Variants in EML6 observed in about 807,000 individuals in gnomAD.
EML6 encodes the protein echinoderm microtubule-associated protein-like 6.
A neutral mutation model predicts 240.1 loss-of-function variants in EML6; 154 were observed. That is an observed-to-expected ratio of 0.64 (90% CI 0.56 to 0.73). EML6 has a LOEUF of 0.73. Ranked by LOEUF, EML6 falls within the 30% of genes least tolerant of loss-of-function variation. The pLI is 0.00. For missense variants in EML6, 2,964 were observed against 2,474.6 expected (o/e 1.20, Z -4.20); for synonymous variants, 1,148 against 899.0 (o/e 1.28, Z -4.95).
At chr2:54,905,428 A>T (rs1233701842) in intron 24 of EML6, among the ~76,000 whole-genome samples, 1 of 151,716 alleles carries the variant, frequency 6.6e-6, no homozygotes, top group African/African-American at 2.4e-5. Context: ...ACTATTAGGG[A>T]TTAAAACCCA....
intron 30 of EML6, among the ~76,000 whole-genome samples, 197 bp from the exon 31 acceptor site, chr2:54,952,397 C>G (rs1393630633): frequency 6.6e-6 from 1 of 152,158 alleles, no homozygotes; most frequent in Non-Finnish European, 1.5e-5. Flanking sequence ...CCCCTTCTCC[C>G]AGACCCAAAA....
At chr2:54,910,900 T>A in intron 24 of EML6, 54 bp from the exon 25 acceptor site, 1 of 874,172 alleles carries the variant, frequency 1.1e-6, no homozygotes, top group Non-Finnish European at 1.8e-6. Context: ...CATTTTATAA[T>A]AAAGAGATAA....
At chr2:54,819,535 T>G (rs1014855266) in intron 4 of EML6, among the ~76,000 whole-genome samples, 1 of 152,134 alleles carries the variant, frequency 6.6e-6, no homozygotes, top group African/African-American at 2.4e-5. Flanking sequence ...CCCAGCACTT[T>G]GAGAGGCCAA....
chr2:54,870,248 T>C (rs1031331220), intron 15 of EML6, among the ~76,000 whole-genome samples: 1 of 152,106 alleles, frequency 6.6e-6, no homozygotes, highest in African/African-American at 2.4e-5. Context: ...AATCTATGAA[T>C]GAAAATGAGA....
chr2:54,878,404 C>T (rs906598161), intron 16 of EML6, among the ~76,000 whole-genome samples: 4 of 152,174 alleles, frequency 2.6e-5, no homozygotes, highest in Non-Finnish European at 4.4e-5. Context: ...TCCTAGCAAC[C>T]GCACAGCTAG....
At position 54,968,187 on chromosome 2, in the gene EML6, A is replaced by G. The variant is rs899131805; in HGVS notation, c.5657A>G (p.Asn1886Ser). ...CGAAATGCAGACAAGGCTGATGTCA[A>G]CTGCGCATGTGTGACCCACGCTGGC... The part of the protein sequence containing the change: ...WPRNADKADV[N>S]CACVTHAGLN... The change falls in exon 40 of 42, where the codon AAC becomes AGC. Residue 1886 changes from asparagine to serine, a missense_variant. Asn to Ser is a conservative substitution (Grantham distance 46, BLOSUM62 1). Coordinates refer to ENST00000356458, the MANE Select transcript of EML6 (RefSeq NM_001039753.4). The G allele has an allele frequency of 3.2e-6, 5 of 1,551,702 alleles. No homozygotes were observed. Among genetic ancestry groups the G allele is most frequent in the East Asian group, 2.4e-5 (1 of 40,928 alleles).
intron 17 of EML6, among the ~76,000 whole-genome samples, chr2:54,883,135 A>G (rs981298971): frequency 2.8e-4 from 43 of 152,104 alleles, no homozygotes; most frequent in African/African-American, 1.0e-3. Flanking sequence ...AAAGCACTTA[A>G]TAAAAGGAAA....
chr2:54,955,792 G>T (rs1676204588), intron 32 of EML6, among the ~76,000 whole-genome samples: 3 of 152,304 alleles, frequency 2.0e-5, no homozygotes, highest in Non-Finnish European at 4.4e-5. Context: ...TGTACAGAGG[G>T]TTGTGAGCCA....
chr2:54,836,551 C>T (rs138649038), intron 7 of EML6, among the ~76,000 whole-genome samples: 95 of 152,308 alleles, frequency 6.2e-4, no homozygotes, highest in Non-Finnish European at 1.2e-3. Flanking sequence ...CCCTGCGACT[C>T]TCCCAGCTCA....
At chr2:54,857,053 G>C (rs1030473604) in intron 11 of EML6, among the ~76,000 whole-genome samples, 5 of 152,192 alleles carry the variant, frequency 3.3e-5, no homozygotes, top group African/African-American at 1.2e-4. Context: ...CTAAGTTTGG[G>C]ACTTGAGCAG....
intron 21 of EML6, 61 bp downstream of exon 21, chr2:54,895,461 A>C (rs1292738386): frequency 4.0e-6 from 6 of 1,514,788 alleles, no homozygotes; most frequent in Non-Finnish European, 5.4e-6. Flanking sequence ...GAGTGAGGCA[A>C]AGTTGATGCT....
At chr2:54,736,418 G>A (rs1047642378) in intron 2 of EML6, among the ~76,000 whole-genome samples, 2 of 152,188 alleles carry the variant, frequency 1.3e-5, no homozygotes, top group East Asian at 1.9e-4. Context: ...AACCAGACAT[G>A]TGACTTTGGG....
chr2:54,847,702 T>A, intron 9 of EML6, 79 bp downstream of exon 9: 1 of 1,437,700 alleles, frequency 7.0e-7, no homozygotes, highest in Non-Finnish European at 9.4e-7. Flanking sequence ...TAATACATGC[T>A]AGGACCTTAG....
At chr2:54,927,359 A>G (rs745580474) in intron 26 of EML6, among the ~76,000 whole-genome samples, 2 of 152,226 alleles carry the variant, frequency 1.3e-5, no homozygotes, top group African/African-American at 2.4e-5. Flanking sequence ...ATGCCAGTCC[A>G]AAACCCTCTG....
chr2:54,791,609 TAAAC>T (rs374462254), intron 2 of EML6, among the ~76,000 whole-genome samples: 5 of 152,154 alleles, frequency 3.3e-5, no homozygotes, highest in African/African-American at 4.8e-5. Context: ...ATATTTACCT[TAAAC>T]AAAGCCACAC....
At chr2:54,916,342 C>T (rs548462119) in intron 25 of EML6, among the ~76,000 whole-genome samples, 2 of 152,272 alleles carry the variant, frequency 1.3e-5, no homozygotes, top group South Asian at 2.1e-4. Flanking sequence ...ATCCAGTGGG[C>T]GGAGACCAGA....
At chr2:54,746,673 CTT>C (rs1683925735) in intron 2 of EML6, among the ~76,000 whole-genome samples, 1 of 152,030 alleles carries the variant, frequency 6.6e-6, no homozygotes, top group Non-Finnish European at 1.5e-5. Flanking sequence ...CTTTAAGCGA[CTT>C]TTTTGTTTTA....
intron 2 of EML6, among the ~76,000 whole-genome samples, chr2:54,742,441 T>C (rs1017254604): frequency 6.6e-6 from 1 of 152,216 alleles, no homozygotes; most frequent in South Asian, 2.1e-4. Flanking sequence ...AGTGTCACCA[T>C]CTCTGTGAAG....
intron 2 of EML6, among the ~76,000 whole-genome samples, chr2:54,808,276 C>G (rs1016653290): frequency 2.6e-5 from 4 of 152,224 alleles, no homozygotes; most frequent in African/African-American, 7.2e-5. Context: ...TGAGGTTCCA[C>G]TACCTCCAGG....
Sources: gnomAD v4.1 joint callset for allele counts (sites outside exome capture counted in the v4.1 genomes callset) on GRCh38, gnomAD v4.1.1 for gene constraint, MANE v1.5 for transcripts, NCBI Gene and HGNC (gene_info 2026-07-23, HGNC 2026-07-21) for gene names.